PTPRR: variants seen among roughly 807,000 people sequenced by gnomAD.
The protein encoded by PTPRR is receptor-type tyrosine-protein phosphatase R.
In PTPRR, 38 loss-of-function variants were observed where a neutral mutation model predicts 77.2. The ratio of observed to expected loss-of-function variants is 0.49; its 90% CI spans 0.38 to 0.65. The LOEUF is 0.65. Ranked by LOEUF, PTPRR falls within the 30% of genes least tolerant of loss-of-function variation. PTPRR has a pLI of 0.00. For missense variants in PTPRR, 744 were observed against 799.2 expected, an observed-to-expected ratio of 0.93 and a Z score of 0.83; for synonymous variants, 299 against 283.1, an observed-to-expected ratio of 1.06 and a Z score of -0.57.
chr12:70,684,083 C>G (rs779820361), intron 10 of PTPRR, 44 bp downstream of exon 10: 2 of 1,593,324 alleles, frequency 1.3e-6, no homozygotes, highest in Non-Finnish European at 1.7e-6. Context: ...TCTTCTATAG[C>G]AACAGAACAC....
At chr12:70,859,916 G>C (rs1892723163) in intron 2 of PTPRR, among the ~76,000 whole-genome samples, 1 of 152,008 alleles carries the variant, frequency 6.6e-6, no homozygotes, top group Non-Finnish European at 1.5e-5. Flanking sequence ...TCAACTCATA[G>C]CTTATTTTTT....
chr12:70,645,658 G>A (rs1053617835), intron 13 of PTPRR, among the ~76,000 whole-genome samples: 3 of 152,160 alleles, frequency 2.0e-5, no homozygotes, highest in Non-Finnish European at 4.4e-5. Flanking sequence ...ACTATGAAAT[G>A]CTGTGTTTGG....
In PTPRR at chr12:70,656,744, C is replaced by A. The variant is rs1886596413; in HGVS notation, c.1840G>T (p.Val614Leu). ...GCQQLKEEGV[V>L]DALSIVCQLR... ...TGGCAGACAATGCTTAGTGCATCCA[C>A]AACTCCTTCTTCTTTCAGCTGTTGA... Residue 614 changes from valine (V) to leucine (L), a missense_variant, in exon 13 of 14, where the codon GTG becomes TTG. Physicochemically the swap from Val to Leu is conservative, Grantham distance 32. Around this residue, in one of 3 missense-constraint regions of PTPRR, gnomAD observed 170 missense variants for 209.8 expected, o/e 0.81. Coordinates refer to ENST00000283228, the MANE Select transcript of PTPRR (RefSeq NM_002849.4). 6.2e-7 allele frequency: 1 copy of A among 1,613,898 alleles called. No homozygotes were observed. The highest frequency in any genetic ancestry group is 1.3e-5 in the African/African-American group (1 of 74,906).
At chr12:70,646,548 T>C (rs11178344) in intron 13 of PTPRR, among the ~76,000 whole-genome samples, 6,438 of 152,082 alleles carry the variant, frequency 0.042, 395 homozygotes, top group East Asian at 0.31. Context: ...AGAAGGAAAA[T>C]GTCCTGGCAG....
intron 2 of PTPRR, among the ~76,000 whole-genome samples, chr12:70,876,914 C>A (rs1258879478): frequency 2.0e-5 from 3 of 152,082 alleles, no homozygotes; most frequent in Non-Finnish European, 4.4e-5. Flanking sequence ...GTAGCACATT[C>A]TGGCTGATGG....
Position 70,650,477 on chromosome 12 carries a change from T to G in PTPRR, c.1880+6227A>C, listed in dbSNP as rs567875166. On this transcript the variant is annotated intron_variant, in intron 13 of 13. Transcript: ENST00000283228. ...AATATATATATATATATAAACAGCT[T>G]TTCCCCGAACTTAGTCAAGAACCTA... is the stretch of plus-strand genomic sequence containing the variant. Among the ~76,000 whole-genome samples, 5 of 152,048 alleles carry G rather than the reference T, an allele frequency of 3.3e-5. No individual in the cohort carries two copies. The East Asian group carries it at 9.7e-4, about 29-fold the overall frequency.
chr12:70,821,440 T>C (rs988864413), intron 2 of PTPRR, among the ~76,000 whole-genome samples: 2 of 151,696 alleles, frequency 1.3e-5, no homozygotes, highest in African/African-American at 4.8e-5. Context: ...TTGGCCAGGC[T>C]GGTCTCGAAC....
intron 9 of PTPRR, 102 bp from the exon 10 acceptor site, chr12:70,684,366 A>T (rs1887783869): frequency 7.8e-7 from 1 of 1,279,544 alleles, no homozygotes; most frequent in East Asian, 2.3e-5. Context: ...CTAGTACAAA[A>T]GCAACACAGG....
At chr12:70,751,741 C>T (rs1156868167) in intron 5 of PTPRR, among the ~76,000 whole-genome samples, 1 of 152,008 alleles carries the variant, frequency 6.6e-6, no homozygotes, top group Non-Finnish European at 1.5e-5. Context: ...GCAGAAAATA[C>T]CAAGTTCTCA....
chr12:70,801,451 A>T (rs1439100747), intron 2 of PTPRR, among the ~76,000 whole-genome samples: 1 of 151,880 alleles, frequency 6.6e-6, no homozygotes, highest in Admixed American at 6.6e-5. Context: ...ACAACAAAAG[A>T]CTCACCCTCC....
chr12:70,846,302 C>A (rs566776126), intron 2 of PTPRR, among the ~76,000 whole-genome samples: 3 of 152,182 alleles, frequency 2.0e-5, no homozygotes, highest in African/African-American at 7.2e-5. Context: ...TCATAGGAAG[C>A]TTTTTAGAGA....
chr12:70,691,180 C>G (rs1466444766), intron 8 of PTPRR, among the ~76,000 whole-genome samples: 1 of 152,186 alleles, frequency 6.6e-6, no homozygotes, highest in Non-Finnish European at 1.5e-5. Flanking sequence ...CTATCCTAAC[C>G]CTAGCACTGT....
At chr12:70,716,880 C>A (rs942923380) in intron 6 of PTPRR, among the ~76,000 whole-genome samples, 5 of 152,194 alleles carry the variant, frequency 3.3e-5, no homozygotes, top group Admixed American at 6.5e-5. Flanking sequence ...TCACAGAAGA[C>A]ACTTCAGTCT....
At chr12:70,772,649 T>C (rs916190424) in intron 2 of PTPRR, among the ~76,000 whole-genome samples, 1 of 151,812 alleles carries the variant, frequency 6.6e-6, no homozygotes, top group Non-Finnish European at 1.5e-5. Flanking sequence ...TGCATGGAGG[T>C]AGGGGCCCTA....
intron 2 of PTPRR, among the ~76,000 whole-genome samples, chr12:70,787,442 G>C (rs1488711968): frequency 6.6e-6 from 1 of 152,278 alleles, no homozygotes; most frequent in South Asian, 2.1e-4. Flanking sequence ...AGGTATTTTA[G>C]TGTACAAGGC....
chr12:70,659,287 G>A (rs74101539), intron 12 of PTPRR, among the ~76,000 whole-genome samples: 1,540 of 152,174 alleles, frequency 0.01, 24 homozygotes, highest in African/African-American at 0.036. Flanking sequence ...GAGAGCATGG[G>A]GGAATGCGGT....
Position 70,725,612 on chromosome 12 carries a change from C to T in PTPRR, c.1007+20206G>A, listed in dbSNP as rs539958054. Among the ~76,000 whole-genome samples the T allele has an allele frequency of 5.3e-5, 8 of 151,896 alleles. No individual in the cohort carries two copies. The East Asian group carries it at 5.8e-4, about 11-fold the overall frequency. On this transcript the variant is annotated intron_variant, in intron 6 of 13. Coordinates refer to ENST00000283228, the MANE Select transcript of PTPRR (RefSeq NM_002849.4). Reference sequence around the variant, plus strand: ...ACTGATTATTAGGGGGAAAAAGTACCGAGAGCCAACTTAGGTGAGTTGTTG... The same window carrying T: ...ACTGATTATTAGGGGGAAAAAGTACTGAGAGCCAACTTAGGTGAGTTGTTG...
At chr12:70,816,993 T>A (rs1891914510) in intron 2 of PTPRR, among the ~76,000 whole-genome samples, 1 of 152,116 alleles carries the variant, frequency 6.6e-6, no homozygotes, top group Non-Finnish European at 1.5e-5. Context: ...TAACAGGTCA[T>A]CTCATCCTGT....
At chr12:70,676,483 C>T (rs1301319846) in intron 10 of PTPRR, among the ~76,000 whole-genome samples, 2 of 151,766 alleles carry the variant, frequency 1.3e-5, no homozygotes, top group East Asian at 1.9e-4. Context: ...ATTGTTGCTG[C>T]TTCTGATTTT....
Sources: gnomAD v4.1 joint callset for allele counts (sites outside exome capture counted in the v4.1 genomes callset) on GRCh38, gnomAD v4.1.1 for gene constraint, gnomAD v4.1.1 regional missense constraint, MANE v1.5 for transcripts, NCBI Gene and HGNC (gene_info 2026-07-23, HGNC 2026-07-21) for gene names.